Variants in UBA2 observed in about 807,000 individuals in gnomAD.
The protein encoded by UBA2 is SUMO-activating enzyme subunit 2.
A neutral mutation model predicts 77.2 loss-of-function variants in UBA2; 11 were observed. That is an observed-to-expected ratio of 0.14 (90% CI 0.09 to 0.24). UBA2 has a LOEUF of 0.24. UBA2 is among the 10% of genes least tolerant of loss of function. UBA2 has a pLI of 1.00. For missense variants in UBA2, 487 were observed against 781.7 expected (o/e 0.62, Z 4.50); for synonymous variants, 278 against 276.7 (o/e 1.00, Z -0.05).
Position 34,469,401 on chromosome 19 carries a change from A to T in UBA2, c.*180A>T, listed in dbSNP as rs2075718554. The T allele has an allele frequency of 2.4e-6, 1 of 425,062 alleles. No homozygotes were observed. Among genetic ancestry groups the T allele is most frequent in the East Asian group, 4.0e-5 (1 of 25,302 alleles). The allele number at this position is 425,062 out of a possible 1,614,324, so 26.3% of individuals were successfully genotyped here. On this transcript the variant is annotated 3_prime_UTR_variant, in exon 17 of 17. Transcript: ENST00000246548. The stretch of plus-strand genomic sequence containing the variant: ...GACACATTGCAGTATGCTGTATTGA[A>T]AGTAGGAATATAGTTTTAAAAACCC...
intron 2 of UBA2, among the ~76,000 whole-genome samples, chr19:34,431,376 C>G (rs1406786119): frequency 1.3e-5 from 2 of 151,544 alleles, no homozygotes; most frequent in Admixed American, 1.3e-4. Flanking sequence ...CACTGGCCTC[C>G]CAAGTGCTGG....
chr19:34,464,561 A>G (rs927576388), intron 15 of UBA2, among the ~76,000 whole-genome samples: 1 of 151,684 alleles, frequency 6.6e-6, no homozygotes, highest in Non-Finnish European at 1.5e-5. Context: ...CCAACTTAAA[A>G]AAAAAAAAAA....
chr19:34,431,814 A>G (rs2075259026), intron 2 of UBA2, 47 bp from the exon 3 acceptor site: 1 of 1,534,744 alleles, frequency 6.5e-7, no homozygotes. Context: ...CAGATTTCAG[A>G]TAGGAACAGA....
chr19:34,443,681 C>T (rs774986076), intron 6 of UBA2, among the ~76,000 whole-genome samples, 163 bp from the exon 7 acceptor site: 1 of 152,056 alleles, frequency 6.6e-6, no homozygotes, highest in Non-Finnish European at 1.5e-5. Flanking sequence ...ACTTTGTGAT[C>T]TGCCTGCCTC....
intron 10 of UBA2, 138 bp downstream of exon 10, chr19:34,452,285 G>T: frequency 1.4e-6 from 1 of 739,276 alleles, no homozygotes; most frequent in Non-Finnish European, 2.1e-6. Flanking sequence ...GATATTTTCA[G>T]CTCTAATTGC....
chr19:34,458,620 A>T, intron 12 of UBA2, 149 bp from the exon 13 acceptor site: 3 of 435,106 alleles, frequency 6.9e-6, no homozygotes, highest in Admixed American at 4.1e-5. Context: ...GTTCCTAAAA[A>T]GGTCATGATT....
At chr19:34,446,165 C>T (rs559358860) in intron 8 of UBA2, among the ~76,000 whole-genome samples, 1 of 152,234 alleles carries the variant, frequency 6.6e-6, no homozygotes, top group African/African-American at 2.4e-5. Flanking sequence ...AGGCATGAAC[C>T]ACTGAGCCTA....
intron 6 of UBA2, among the ~76,000 whole-genome samples, chr19:34,439,438 A>G (rs886719093): frequency 2.0e-5 from 3 of 152,208 alleles, no homozygotes; most frequent in African/African-American, 7.2e-5. Context: ...GCAAAAAGTT[A>G]CAGATTTACA....
intron 11 of UBA2, 22 bp from the exon 12 acceptor site, chr19:34,454,422 C>A: frequency 1.3e-6 from 2 of 1,540,464 alleles, no homozygotes; most frequent in Non-Finnish European, 1.8e-6. Flanking sequence ...GAAACATACT[C>A]ATCCTTTTTT....
chr19:34,451,565 T>TG (rs2093389287), intron 9 of UBA2, among the ~76,000 whole-genome samples: 3 of 135,796 alleles, frequency 2.2e-5, no homozygotes, highest in African/African-American at 8.9e-5. Flanking sequence ...TTTTTTTTTT[T>TG]GAGACAGAGT....
At chr19:34,455,915 C>T (rs1041161830) in intron 12 of UBA2, among the ~76,000 whole-genome samples, 13 of 151,686 alleles carry the variant, frequency 8.6e-5, no homozygotes, top group Non-Finnish European at 1.5e-4. Context: ...GCTGGGATTA[C>T]AGGCATACAG....
At chr19:34,456,880 T>A (rs960387003) in intron 12 of UBA2, among the ~76,000 whole-genome samples, 5 of 151,874 alleles carry the variant, frequency 3.3e-5, no homozygotes, top group Non-Finnish European at 7.4e-5. Context: ...TTAAATTATT[T>A]AAAAAAAATT....
chr19:34,428,959 C>T, intron 1 of UBA2: 1 of 986,724 alleles, frequency 1.0e-6, no homozygotes, highest in South Asian at 4.7e-5. Flanking sequence ...AGGTCCCTGT[C>T]GTAACTCCGA....
chr19:34,452,640 A>C (rs1487417851), intron 10 of UBA2, among the ~76,000 whole-genome samples: 1 of 152,224 alleles, frequency 6.6e-6, no homozygotes, highest in East Asian at 1.9e-4. Context: ...CTCTGCAGTT[A>C]TGTCATCTTT....
chr19:34,466,859 C>CT lies in UBA2; in HGVS notation c.1605-18dup. 6.2e-7 allele frequency: 1 copy of CT among 1,611,222 alleles called. No homozygotes were observed. Among genetic ancestry groups the CT allele is most frequent in the Non-Finnish European group, 8.5e-7 (1 of 1,179,152 alleles). On this transcript the variant is annotated intron_variant, in intron 15 of 16. Coordinates refer to ENST00000246548, the MANE Select transcript of UBA2 (RefSeq NM_005499.3). ...CTTTCTAAATAGTCATAGCAGTGACCTGTGTGATTCTCCTACAGTGAAGAC... is the reference window on the plus strand; with the variant it reads ...CTTTCTAAATAGTCATAGCAGTGACCTTGTGTGATTCTCCTACAGTGAAGAC...
chr19:34,456,857 C>T (rs781472157), intron 12 of UBA2, among the ~76,000 whole-genome samples: 5 of 151,944 alleles, frequency 3.3e-5, no homozygotes, highest in African/African-American at 9.7e-5. Context: ...CGTTCCTGGC[C>T]GATACCCAGT....
intron 8 of UBA2, among the ~76,000 whole-genome samples, chr19:34,446,892 C>T (rs1465360561): frequency 6.6e-6 from 1 of 152,154 alleles, no homozygotes; most frequent in Non-Finnish European, 1.5e-5. Context: ...AGGCATGAGC[C>T]GTCGTGCCCA....
intron 8 of UBA2, among the ~76,000 whole-genome samples, chr19:34,446,608 CTTTCTTTTTTTT>C (rs113391310): frequency 0.68 from 99,325 of 145,138 alleles, 36,213 homozygotes; most frequent in Non-Finnish European, 0.82. Context: ...TTTTTTTTTT[CTTTCTTTTTTTT>C]TTTTTTTGAG....
chr19:34,434,786 TA>T, intron 4 of UBA2, 81 bp from the exon 5 acceptor site: 1 of 1,006,102 alleles, frequency 9.9e-7, no homozygotes, highest in East Asian at 2.6e-5. Context: ...GCCAGTAAGA[TA>T]GTTTTGAGTC....
Sources: gnomAD v4.1 joint callset for allele counts (sites outside exome capture counted in the v4.1 genomes callset) on GRCh38, gnomAD v4.1.1 for gene constraint, MANE v1.5 for transcripts, NCBI Gene and HGNC (gene_info 2026-07-23, HGNC 2026-07-21) for gene names.